Variants in OR51B5 observed in about 807,000 individuals in gnomAD.
OR51B5 encodes the protein olfactory receptor family 51 subfamily B member 5, also known as olfactory receptor 51B5.
For missense variants in OR51B5, 456 were observed against 374.6 expected (o/e 1.22, Z -1.79); for synonymous variants, 186 against 144.8 (o/e 1.28, Z -2.04).
intron 1 of OR51B5, chr11:5,505,475 G>A (rs2133822761): frequency 7.7e-7 from 1 of 1,297,448 alleles, no homozygotes; most frequent in Non-Finnish European, 1.0e-6. Context: ...GGAGTGAGGG[G>A]AAACTGAAGC....
intron 1 of OR51B5, chr11:5,352,345 CT>C: frequency 2.5e-6 from 4 of 1,613,812 alleles, no homozygotes; most frequent in Non-Finnish European, 3.4e-6. Context: ...CATCCACTTC[CT>C]TTTCCCACCT....
chr11:5,489,333 C>T (rs1382247446), intron 1 of OR51B5: 1 of 1,614,052 alleles, frequency 6.2e-7, no homozygotes. Flanking sequence ...CTCTGCTGGC[C>T]ATGGGACTGG....
chr11:5,375,502 A>T (rs1454033967), intron 1 of OR51B5, among the ~76,000 whole-genome samples: 3 of 152,164 alleles, frequency 2.0e-5, no homozygotes, highest in African/African-American at 2.4e-5. Context: ...ATGTAAATGG[A>T]CTAAGTGCTC....
chr11:5,393,595 G>A (rs1316861361), intron 1 of OR51B5, among the ~76,000 whole-genome samples: 1 of 152,120 alleles, frequency 6.6e-6, no homozygotes, highest in African/African-American at 2.4e-5. Context: ...CGATTATGCT[G>A]AAGATGACAA....
At chr11:5,457,124 T>C (rs1164032359) in intron 1 of OR51B5, among the ~76,000 whole-genome samples, 1 of 152,212 alleles carries the variant, frequency 6.6e-6, no homozygotes, top group African/African-American at 2.4e-5. Context: ...TTGAACCCCA[T>C]ACTCTTCCCA....
At chr11:5,495,895 C>T (rs568952964) in intron 1 of OR51B5, among the ~76,000 whole-genome samples, 22 of 152,242 alleles carry the variant, frequency 1.4e-4, no homozygotes, top group South Asian at 6.2e-4. Context: ...AAAAGTTATT[C>T]TCCATAAAAT....
chr11:5,466,384 C>T (rs1851139144), intron 1 of OR51B5, among the ~76,000 whole-genome samples: 1 of 152,040 alleles, frequency 6.6e-6, no homozygotes, highest in Non-Finnish European at 1.5e-5. Context: ...CATTCATATG[C>T]CTTATTATGA....
chr11:5,470,305 T>TC (rs780075955), intron 1 of OR51B5, among the ~76,000 whole-genome samples: 2 of 151,964 alleles, frequency 1.3e-5, no homozygotes, highest in African/African-American at 2.4e-5. Context: ...TATCACTTCT[T>TC]CCCCCCGAGG....
chr11:5,497,883 T>G (rs1005417500), intron 1 of OR51B5, among the ~76,000 whole-genome samples: 1 of 152,160 alleles, frequency 6.6e-6, no homozygotes, highest in Non-Finnish European at 1.5e-5. Flanking sequence ...GGAGCATAGG[T>G]ATGACATCAC....
chr11:5,351,586 A>C (rs1210905802), intron 1 of OR51B5: 2 of 1,614,072 alleles, frequency 1.2e-6, no homozygotes, highest in African/African-American at 1.3e-5. Flanking sequence ...CTGGATATTC[A>C]TCCCATTATT....
At chr11:5,482,872 G>A in intron 1 of OR51B5, among the ~76,000 whole-genome samples, 3 of 71,516 alleles carry the variant, frequency 4.2e-5, no homozygotes, top group African/African-American at 1.8e-4. Context: ...TGCTGGAGAG[G>A]ATGTGGAGAA....
Position 5,480,880 on chromosome 11 carries a change from T to A in OR51B5, n.84+24689A>T, listed in dbSNP as rs11037695. On this transcript the variant is annotated intron_variant and non_coding_transcript_variant, in intron 1 of 4. Coordinates refer to the OR51B5 transcript ENST00000415970. The stretch of plus-strand genomic sequence containing the variant: ...GGCAATAATCAATAGCTTACCAACC[T>A]AAAAGAGTCCAGGACCAGATGGATT... Among the ~76,000 whole-genome samples the A allele has an allele frequency of 1.3e-3, 53 of 39,378 alleles. 1 individual carries two copies. Among genetic ancestry groups the A allele is most frequent in the African/African-American group, 3.2e-3 (45 of 14,182 alleles). The allele number at this position is 39,378 out of a possible 152,430, so 25.8% of individuals were successfully genotyped here.
chr11:5,441,918 C>T (rs1271729155), intron 1 of OR51B5, among the ~76,000 whole-genome samples: 1 of 152,154 alleles, frequency 6.6e-6, no homozygotes, highest in Non-Finnish European at 1.5e-5. Flanking sequence ...ACCTGTAGCT[C>T]AGACTTCACC....
At chr11:5,393,039 A>G (rs748583357) in intron 1 of OR51B5, 6 of 152,256 alleles carry the variant, frequency 3.9e-5, no homozygotes, top group African/African-American at 9.6e-5. Flanking sequence ...ATACATCAAA[A>G]GACTTGAAAA....
In OR51B5 at chr11:5,356,174, C is replaced by T. The variant is rs192347257; in HGVS notation, n.85-9264G>A. Among the ~76,000 whole-genome samples, 608 of 152,206 alleles carry T rather than the reference C, an allele frequency of 4.0e-3. 4 individuals carry two copies. The highest frequency in any genetic ancestry group is 0.014 in the African/African-American group (585 of 41,512). On this transcript the variant is annotated intron_variant and non_coding_transcript_variant, in intron 1 of 4. Coordinates refer to the OR51B5 transcript ENST00000415970. ...AAGAAGGCTTCAGACGATCAAACTA[C>T]TCCGAGCTAAAGGAGGAAGCTCGAA...
chr11:5,423,082 C>G (rs1269605644), intron 1 of OR51B5: 4 of 1,613,914 alleles, frequency 2.5e-6, no homozygotes, highest in Non-Finnish European at 2.5e-6. Context: ...CCATCATTTA[C>G]AGTGTAAAGA....
chr11:5,348,110 T>C (rs576475814), upstream of OR51B5, among the ~76,000 whole-genome samples: 43 of 152,140 alleles, frequency 2.8e-4, no homozygotes, highest in Non-Finnish European at 5.7e-4. Context: ...TAGTGTTGTC[T>C]GCTAAGAGTA....
intron 1 of OR51B5, among the ~76,000 whole-genome samples, chr11:5,497,516 G>GA (rs1193838925): frequency 5.9e-5 from 9 of 152,176 alleles, no homozygotes; most frequent in African/African-American, 2.2e-4. Flanking sequence ...GGACACTCTA[G>GA]AGAGGGTATC....
At chr11:5,366,163 G>A (rs1196582269) in intron 1 of OR51B5, among the ~76,000 whole-genome samples, 1 of 152,132 alleles carries the variant, frequency 6.6e-6, no homozygotes, top group East Asian at 1.9e-4. Context: ...TATGTGAAGA[G>A]GATAGAGCAA....
Sources: gnomAD v4.1 joint callset for allele counts (sites outside exome capture counted in the v4.1 genomes callset) on GRCh38, gnomAD v4.1.1 for gene constraint, MANE v1.5 for transcripts, NCBI Gene and HGNC (gene_info 2026-07-23, HGNC 2026-07-21) for gene names.